The following CDHR2 variants were observed in gnomAD, a reference collection of about 807,000 sequenced individuals.
CDHR2 encodes cadherin-related family member 2.
A neutral mutation model predicts 138.6 loss-of-function variants in CDHR2; 104 were observed. That is an observed-to-expected ratio of 0.75 (90% CI 0.64 to 0.88). The LOEUF is 0.88. Among genes scored for constraint, CDHR2 ranks in the 40% least tolerant of loss-of-function variants. The pLI, the probability that CDHR2 is intolerant of heterozygous loss-of-function variation, is 0.00. For missense variants in CDHR2, 1,624 were observed against 1,727.6 expected, an observed-to-expected ratio of 0.94 and a Z score of 1.06; for synonymous variants, 755 against 742.8, an observed-to-expected ratio of 1.02 and a Z score of -0.27.
At chr5:176,565,141 C>T (rs1339622975) in intron 1 of CDHR2, among the ~76,000 whole-genome samples, 197 bp from the exon 2 acceptor site, 1 of 152,146 alleles carries the variant, frequency 6.6e-6, no homozygotes, top group African/African-American at 2.4e-5. Context: ...TCGTGGTCAC[C>T]CCTACCCCAC....
intron 1 of CDHR2, among the ~76,000 whole-genome samples, chr5:176,557,998 G>A (rs921337248): frequency 3.9e-5 from 6 of 151,988 alleles, no homozygotes; most frequent in Non-Finnish European, 7.4e-5. Flanking sequence ...GAGCCACCGA[G>A]CCTGGCCTAT....
At position 176,595,634 on chromosome 5, in the gene CDHR2, T is replaced by G; in HGVS notation, c.3895T>G (p.Ser1299Ala). ...AGASGQLEGPSYTNAGLDTTD... is the reference protein window; with the variant it reads ...AGASGQLEGPAYTNAGLDTTD... ...CGCAAGTGGACAGCTGGAGGGGCCA[T>G]CCTACACCAACGCTGGCCTGGACAC... Residue 1299 changes from serine (S) to alanine (A), a missense_variant, in exon 32 of 32, where the codon TCC (serine) becomes GCC (alanine). Physicochemically the swap from Ser to Ala is moderately conservative, Grantham distance 99. Around this residue, in one of 3 missense-constraint regions of CDHR2, gnomAD observed 556 missense variants for 565.7 expected, o/e 0.98. Transcript: ENST00000261944. 6.2e-7 allele frequency: 1 copy of G among 1,610,872 alleles called. No individual in the cohort carries two copies. The highest frequency in any genetic ancestry group is 2.2e-5 in the East Asian group (1 of 44,568).
chr5:176,574,104 G>T lies in CDHR2; in HGVS notation c.427G>T (p.Val143Leu). The change falls in exon 7 of 32, where the codon GTG becomes TTG. Residue 143 changes from valine (V) to leucine (L), a missense_variant. Transcript: ENST00000261944. ...INETLPVGSV[V>L]FSVLAVDKDM... Reference sequence around the variant, plus strand: ...GCAGACCCTGCCCGTGGGCAGTGTGGTGTTCTCCGTGCTGGCCGTGGATAA... The same window carrying T: ...GCAGACCCTGCCCGTGGGCAGTGTGTTGTTCTCCGTGCTGGCCGTGGATAA... The T allele has an allele frequency of 6.2e-7, 1 of 1,614,068 alleles. No individual in the cohort carries two copies. The highest frequency in any genetic ancestry group is 2.2e-5 in the East Asian group (1 of 44,878).
chr5:176,578,515 C>T lies in CDHR2; in HGVS notation c.1725C>T (p.His575=). The part of the protein sequence containing the change: ...NLSSSTTLQI[H]LLDINDNAPV... ...CCTCCTCCACCACACTGCAGATCCA[C>T]CTGCTGGACATCAACGACAATGCAC... Residue 575 remains histidine, a synonymous_variant, in exon 16 of 32, where the codon CAC becomes CAT. Coordinates refer to ENST00000261944, the MANE Select transcript of CDHR2 (RefSeq NM_017675.6). 1.2e-6 allele frequency: 2 copies of T among 1,614,182 alleles called. No homozygotes were observed. Among genetic ancestry groups the T allele is most frequent in the Non-Finnish European group, 1.7e-6 (2 of 1,180,038 alleles).
rs746600094 is a variant in CDHR2 at position 176,589,200 on chromosome 5, C to T, written c.3008+18C>T. ...AGCATTCAGTAACTGCGGGCGGCCC[C>T]GGGAGGGAGGTTGCGGGGAGGGGCC... On this transcript the variant is annotated intron_variant, in intron 22 of 31. Transcript: ENST00000261944. 21 of 1,613,526 alleles carry T rather than the reference C, an allele frequency of 1.3e-5. No individual in the cohort carries two copies. Among genetic ancestry groups the T allele is most frequent in the Admixed American group, 5.0e-5 (3 of 59,968 alleles).
chr5:176,555,866 C>T lies in CDHR2; in HGVS notation c.-16+6452C>T, dbSNP rs188837759. 5.4e-3 allele frequency among the ~76,000 whole-genome samples: 827 copies of T among 152,152 alleles called. 4 individuals are homozygous for T. The highest frequency in any genetic ancestry group is 0.018 in the African/African-American group (757 of 41,512). On this transcript the variant is annotated intron_variant, in intron 1 of 31. Coordinates refer to ENST00000261944, the MANE Select transcript of CDHR2 (RefSeq NM_017675.6). The stretch of plus-strand genomic sequence containing the variant: ...CAGTGAGCCGAGATCGCCCCACTGC[C>T]CTCCAGCCTGGGAGACAGAGTAAGA...
At chr5:176,580,170 T>TCACA (rs551842923) in intron 16 of CDHR2, among the ~76,000 whole-genome samples, 1 of 147,928 alleles carries the variant, frequency 6.8e-6, no homozygotes, top group African/African-American at 2.6e-5. Context: ...ACACACGCAC[T>TCACA]CACACACACT....
intron 15 of CDHR2, 60 bp from the exon 16 acceptor site, chr5:176,578,305 A>T (rs1341466590): frequency 2.0e-6 from 3 of 1,502,618 alleles, no homozygotes; most frequent in Middle Eastern, 1.7e-4. Context: ...GTATATCTGA[A>T]ATTCACACTG....
At chr5:176,545,458 TAAA>T (rs776316303), upstream of CDHR2, among the ~76,000 whole-genome samples, 3 of 152,208 alleles carry the variant, frequency 2.0e-5, no homozygotes, top group Non-Finnish European at 4.4e-5. Flanking sequence ...TTTTTCTGAT[TAAA>T]AAAAATTTTA....
downstream of CDHR2, chr5:176,595,876 G>A (rs906577104): frequency 6.3e-6 from 3 of 472,770 alleles, no homozygotes; most frequent in Admixed American, 4.0e-5. Flanking sequence ...GGGTGGGGAC[G>A]GGACACTGAG....
Position 176,595,592 on chromosome 5 carries a change from T to C in CDHR2, c.3853T>C (p.Leu1285=), listed in dbSNP as rs761070780. 2 of 1,612,936 alleles carry C rather than the reference T, an allele frequency of 1.2e-6. No individual in the cohort carries two copies. Among genetic ancestry groups the C allele is most frequent in the Admixed American group, 1.7e-5 (1 of 59,942 alleles). Residue 1285 remains leucine (L), a synonymous_variant, in exon 32 of 32, where the codon TTA becomes CTA. Coordinates refer to ENST00000261944, the MANE Select transcript of CDHR2 (RefSeq NM_017675.6). ...TCCAGAGCCCCTGAGCGTGGTCCTG[T>C]TAGGACGGCAGGCAGGCGCAAGTGG... ...PDPEPLSVVL[L]GRQAGASGQL... is the part of the protein sequence containing the mutation.
chr5:176,573,231 G>A (rs752342297), intron 6 of CDHR2, among the ~76,000 whole-genome samples: 5 of 152,030 alleles, frequency 3.3e-5, no homozygotes, highest in Admixed American at 2.0e-4. Flanking sequence ...GCCCAGGCTC[G>A]AAGGAGTCTG....
Position 176,577,765 on chromosome 5 carries a change from C to T in CDHR2, c.1479C>T (p.Ser493=), listed in dbSNP as rs929800179. ...SLYVLTVPEH[S]ATGSVVTDSI... ...ACGTCCTCACGGTGCCAGAGCACAG[C>T]GCCACCGGCTCTGTGGTCACCGACA... Residue 493 remains serine (S), a synonymous_variant, in exon 14 of 32, where the codon AGC becomes AGT. Transcript: ENST00000261944. 9.9e-6 allele frequency: 16 copies of T among 1,614,128 alleles called. No individual in the cohort carries two copies. Among genetic ancestry groups the T allele is most frequent in the Middle Eastern group, 1.6e-4 (1 of 6,062 alleles).
intron 18 of CDHR2, 34 bp downstream of exon 18, chr5:176,584,293 G>A (rs1758597138): frequency 6.2e-7 from 1 of 1,610,504 alleles, no homozygotes; most frequent in African/African-American, 1.3e-5. Flanking sequence ...AGACACTGCG[G>A]CTGGGACCCA....
At position 176,549,431 on chromosome 5, in the gene CDHR2, TC is replaced by T. The variant is rs947492451; in HGVS notation, c.-16+18del. ...GGGACACAGGTAGGGACTATCCAGC[TC>T]ATCGGGGGTCTCTGGGCCAGAGAAA... On this transcript the variant is annotated intron_variant, in intron 1 of 31. Coordinates refer to ENST00000261944, the MANE Select transcript of CDHR2 (RefSeq NM_017675.6). 1.1e-4 allele frequency: 17 copies of T among 151,892 alleles called. No individual in the cohort carries two copies. The highest frequency in any genetic ancestry group is 3.1e-4 in the African/African-American group (13 of 41,344). 9.4% of individuals were successfully genotyped at this position (151,892 alleles called of 1,614,324 possible).
chr5:176,587,379 C>T (rs1298892008), intron 21 of CDHR2, among the ~76,000 whole-genome samples: 7 of 151,754 alleles, frequency 4.6e-5, no homozygotes, highest in Non-Finnish European at 7.4e-5. Flanking sequence ...ACTCGAGAGG[C>T]GGAGGTTGCG....
At chr5:176,574,751 AG>A (rs1287518569) in intron 7 of CDHR2, among the ~76,000 whole-genome samples, 1 of 152,236 alleles carries the variant, frequency 6.6e-6, no homozygotes, top group Non-Finnish European at 1.5e-5. Flanking sequence ...AATCATGGCA[AG>A]GGAAAAAGTT....
chr5:176,549,663 T>C (rs1327860000), intron 1 of CDHR2, among the ~76,000 whole-genome samples: 1 of 152,110 alleles, frequency 6.6e-6, no homozygotes, highest in Non-Finnish European at 1.5e-5. Context: ...ATCCAAGTCC[T>C]CAAGGGATGA....
chr5:176,571,542 GA>G (rs1490023430), intron 6 of CDHR2, among the ~76,000 whole-genome samples: 37 of 151,300 alleles, frequency 2.4e-4, no homozygotes, highest in Non-Finnish European at 7.4e-5. Flanking sequence ...AAAGGGAGTT[GA>G]TTTTTTTTGT....
Sources: allele counts gnomAD v4.1 joint callset (sites outside exome capture counted in the v4.1 genomes callset), GRCh38; gene constraint gnomAD v4.1.1; regional missense constraint gnomAD v4.1.1; transcripts MANE v1.5; gene names NCBI Gene and HGNC (gene_info 2026-07-23, HGNC 2026-07-21).